RNF157: variants seen among roughly 807,000 people sequenced by gnomAD.
The protein encoded by RNF157 is ring finger protein 157.
RNF157 carries 55 observed loss-of-function variants against 88.3 expected under a neutral mutation model. That is an observed-to-expected ratio of 0.62 (90% CI 0.50 to 0.78). RNF157 has a LOEUF of 0.78. Ranked by LOEUF, RNF157 falls within the 30% of genes least tolerant of loss-of-function variation. The pLI, the probability that RNF157 is intolerant of heterozygous loss-of-function variation, is 0.00. For missense variants in RNF157, 788 were observed against 860.8 expected, an observed-to-expected ratio of 0.92 and a Z score of 1.06; for synonymous variants, 334 against 341.2, an observed-to-expected ratio of 0.98 and a Z score of 0.23.
At chr17:76,165,599 C>A in intron 6 of RNF157, 54 bp from the exon 7 acceptor site, 1 of 1,588,354 alleles carries the variant, frequency 6.3e-7, no homozygotes, top group Non-Finnish European at 8.6e-7. Context: ...CATCTTGATG[C>A]CCATGACTTT....
rs2069456721 is a variant in RNF157 at position 76,195,038 on chromosome 17, A to G, written c.207+17326T>C. Among the ~76,000 whole-genome samples the G allele has an allele frequency of 1.3e-5, 2 of 152,090 alleles. No individual in the cohort carries two copies. Among genetic ancestry groups the G allele is most frequent in the Admixed American group, 1.3e-4 (2 of 15,258 alleles). On this transcript the variant is annotated intron_variant, in intron 2 of 18. Transcript: ENST00000269391. The surrounding 1 kb of genome is among the most constrained non-coding windows in gnomAD (Gnocchi z 4.4). ...TCAAAAAAACAAAACAAAACACAAGAGCAGAGGGAATGGGAGAGGATATTA... is the reference window on the plus strand; with the variant it reads ...TCAAAAAAACAAAACAAAACACAAGGGCAGAGGGAATGGGAGAGGATATTA...
intron 2 of RNF157, among the ~76,000 whole-genome samples, chr17:76,191,855 CGGGAAAGACCAT>C (rs1180183736): frequency 6.6e-6 from 1 of 151,984 alleles, no homozygotes; most frequent in Non-Finnish European, 1.5e-5. Context: ...TTTGATTGGC[CGGGAAAGACCAT>C]CTTAGAGAAT....
chr17:76,226,317 G>C, intron 1 of RNF157: 1 of 1,606,682 alleles, frequency 6.2e-7, no homozygotes. Flanking sequence ...GGGGAAAGGG[G>C]AAGAAGTTGC....
chr17:76,166,453 G>C lies in RNF157; in HGVS notation c.628+8C>G. The C allele has an allele frequency of 6.2e-7, 1 of 1,612,034 alleles. No individual in the cohort carries two copies. The highest frequency in any genetic ancestry group is 1.1e-5 in the South Asian group (1 of 91,038). On this transcript the variant is annotated splice_region_variant and intron_variant, in intron 6 of 18. Coordinates refer to ENST00000269391, the MANE Select transcript of RNF157 (RefSeq NM_052916.3). ...TGCACAGCCAAAGAGGACAGAAATC[G>C]CCCCTACCGTCTCCTTCATCCACCA...
rs377581288 is a variant in RNF157, at chr17:76,182,760, CATATATATATAT to C, written c.208-8982_208-8971del. Among the ~76,000 whole-genome samples the C allele has an allele frequency of 4.8e-4, 45 of 93,344 alleles. 3 individuals are homozygous for C. Among genetic ancestry groups the C allele is most frequent in the African/African-American group, 2.3e-3 (40 of 17,276 alleles). 61.2% of individuals were successfully genotyped at this position (93,344 alleles called of 152,430 possible). ...TTGCTATTAGATTCAGGCCTCGTCT[CATATATATATAT>C]ATATATATATATATATGAGAGATAT... On this transcript the variant is annotated intron_variant, in intron 2 of 18. Transcript: ENST00000269391.
At chr17:76,204,909 T>A (rs1000745805) in intron 2 of RNF157, among the ~76,000 whole-genome samples, 21 of 151,440 alleles carry the variant, frequency 1.4e-4, no homozygotes, top group African/African-American at 4.6e-4. Flanking sequence ...CTCAGCCTCC[T>A]GAGTAGCTGG....
intron 2 of RNF157, among the ~76,000 whole-genome samples, chr17:76,186,531 A>G (rs540887717): frequency 6.6e-6 from 1 of 152,106 alleles, no homozygotes; most frequent in South Asian, 2.1e-4. Flanking sequence ...AAACGAAACA[A>G]AAAAACCCCA....
chr17:76,213,001 G>A (rs2069828568), intron 1 of RNF157, among the ~76,000 whole-genome samples: 1 of 152,116 alleles, frequency 6.6e-6, no homozygotes, highest in Non-Finnish European at 1.5e-5. Context: ...GATACCAAAC[G>A]TAGACTAGAT....
At chr17:76,217,769 C>T (rs1307564097) in intron 1 of RNF157, among the ~76,000 whole-genome samples, 3 of 152,148 alleles carry the variant, frequency 2.0e-5, no homozygotes, top group Non-Finnish European at 4.4e-5. Flanking sequence ...GGGAAAAAAA[C>T]ATATGTCACT....
intron 2 of RNF157, among the ~76,000 whole-genome samples, chr17:76,199,336 G>A (rs750157154): frequency 9.2e-5 from 14 of 152,094 alleles, no homozygotes; most frequent in Admixed American, 5.2e-4. Context: ...AGCTCACTGT[G>A]GCCTCAACCT....
At chr17:76,232,533 A>G (rs1051525952) in intron 1 of RNF157, among the ~76,000 whole-genome samples, 5 of 152,224 alleles carry the variant, frequency 3.3e-5, no homozygotes, top group Admixed American at 2.0e-4. Context: ...TTTCTTGGCT[A>G]TTATGAGCAA....
At chr17:76,229,193 G>A (rs1032980051) in intron 1 of RNF157, among the ~76,000 whole-genome samples, 1 of 152,066 alleles carries the variant, frequency 6.6e-6, no homozygotes. Context: ...CCTCTCACTT[G>A]TTTCACTTTT....
chr17:76,226,627 T>C, intron 1 of RNF157: 1 of 1,613,138 alleles, frequency 6.2e-7, no homozygotes, highest in Non-Finnish European at 8.5e-7. Flanking sequence ...CAGTCAGCCA[T>C]TCGGAGGAGC....
chr17:76,173,130 C>CA (rs1274931178), intron 3 of RNF157, among the ~76,000 whole-genome samples: 11 of 151,848 alleles, frequency 7.2e-5, no homozygotes, highest in Non-Finnish European at 1.2e-4. Flanking sequence ...ATTAAAAATA[C>CA]AAAAAATTAG....
chr17:76,164,573 A>T, intron 8 of RNF157, 175 bp downstream of exon 8: 1 of 472,362 alleles, frequency 2.1e-6, no homozygotes, highest in East Asian at 3.3e-5. Flanking sequence ...AGCTTGTAAC[A>T]TTCAAAAGCA....
At chr17:76,190,293 A>C (rs1001302093) in intron 2 of RNF157, among the ~76,000 whole-genome samples, 1 of 151,596 alleles carries the variant, frequency 6.6e-6, no homozygotes, top group Non-Finnish European at 1.5e-5. Flanking sequence ...CAGCCTCCTG[A>C]ATAGCTAGGT....
intron 1 of RNF157, among the ~76,000 whole-genome samples, chr17:76,239,911 G>A (rs533241361): frequency 5.3e-5 from 8 of 152,300 alleles, no homozygotes; most frequent in Admixed American, 1.3e-4. Flanking sequence ...CCGTCCTCCC[G>A]TGGAGGGGCT....
At chr17:76,203,560 C>G (rs1480778197) in intron 2 of RNF157, among the ~76,000 whole-genome samples, 2 of 149,558 alleles carry the variant, frequency 1.3e-5, no homozygotes, top group African/African-American at 4.9e-5. Flanking sequence ...TTAAGCAATT[C>G]TCCTGCCTCA....
chr17:76,204,681 A>C (rs2069647881), intron 2 of RNF157, among the ~76,000 whole-genome samples: 1 of 152,206 alleles, frequency 6.6e-6, no homozygotes, highest in Admixed American at 6.5e-5. Context: ...AATAGGGTTC[A>C]ATTTACAGAA....
Sources: gnomAD v4.1 joint callset for allele counts (sites outside exome capture counted in the v4.1 genomes callset) on GRCh38, gnomAD v4.1.1 for gene constraint, Gnocchi (gnomAD v3.1) non-coding constraint, MANE v1.5 for transcripts, NCBI Gene and HGNC (gene_info 2026-07-23, HGNC 2026-07-21) for gene names.